Variants in CNTNAP5 observed in about 807,000 individuals in gnomAD.
CNTNAP5 encodes the protein contactin associated protein family member 5, also known as contactin-associated protein-like 5.
A neutral mutation model predicts 150.2 loss-of-function variants in CNTNAP5; 72 were observed. The ratio of observed to expected loss-of-function variants is 0.48; its 90% CI spans 0.40 to 0.58. CNTNAP5 has a LOEUF of 0.58. Ranked by LOEUF, CNTNAP5 falls within the 20% of genes least tolerant of loss-of-function variation. CNTNAP5 has a pLI of 0.00. For synonymous variants in CNTNAP5, 672 were observed against 619.8 expected (o/e 1.08, Z -1.25); for missense variants, 1,636 against 1,626.2 (o/e 1.01, Z -0.10).
intron 3 of CNTNAP5, among the ~76,000 whole-genome samples, chr2:124,362,311 T>C (rs532174072): frequency 3.9e-5 from 6 of 152,336 alleles, no homozygotes; most frequent in South Asian, 2.1e-4. Context: ...GAGCTATTCC[T>C]ATTCGACCAT....
At chr2:124,830,817 G>A (rs1682698764) in intron 19 of CNTNAP5, among the ~76,000 whole-genome samples, 1 of 151,874 alleles carries the variant, frequency 6.6e-6, no homozygotes, top group East Asian at 1.9e-4. Context: ...GAAAGAGAGA[G>A]TTATCATCTC....
intron 13 of CNTNAP5, among the ~76,000 whole-genome samples, chr2:124,742,625 G>GACACAC (rs3042996): frequency 1.3e-5 from 2 of 148,150 alleles, no homozygotes; most frequent in African/African-American, 2.5e-5. Flanking sequence ...TACACGCACA[G>GACACAC]ACACACACAC....
chr2:124,439,361 G>A (rs1031516323), intron 5 of CNTNAP5, among the ~76,000 whole-genome samples: 8 of 152,176 alleles, frequency 5.3e-5, no homozygotes, highest in Non-Finnish European at 1.0e-4. Flanking sequence ...ATTTTCAAGA[G>A]GCTGTCAGCC....
In CNTNAP5 at chr2:124,848,626, A is replaced by C. The variant is rs368946643; in HGVS notation, c.3218-16680A>C. Among the ~76,000 whole-genome samples, 53 of 152,274 alleles carry C rather than the reference A, an allele frequency of 3.5e-4. No individual in the cohort carries two copies. In the East Asian group the frequency reaches 7.0e-3, roughly 20 times the overall value. ...GTATATGTTCCCACCAACAGTGTAC[A>C]AGGGTTCGCTTTTCTCCACACCCTT... On this transcript the variant is annotated intron_variant, in intron 19 of 23. Transcript: ENST00000682447.
chr2:124,418,693 G>C (rs374114303), intron 4 of CNTNAP5, among the ~76,000 whole-genome samples: 18 of 152,290 alleles, frequency 1.2e-4, no homozygotes, highest in African/African-American at 4.1e-4. Flanking sequence ...ATTAGGCCCA[G>C]GAGGAACTGC....
rs958194196 is a variant in CNTNAP5 at position 124,916,027 on chromosome 2, C to T, written c.*1739C>T. 7.9e-5 allele frequency among the ~76,000 whole-genome samples: 12 copies of T among 152,192 alleles called. No individual in the cohort carries two copies. Among genetic ancestry groups the T allele is most frequent in the East Asian group, 5.8e-4 (3 of 5,156 alleles). On this transcript the variant is annotated 3_prime_UTR_variant, in exon 24 of 24. Transcript: ENST00000682447. ...CTTGTGCTTAGGGTACACTGTCTCT[C>T]GCCTCTCACAATGAGGAACTTAGTT...
At chr2:124,427,883 A>G (rs979973276) in intron 4 of CNTNAP5, among the ~76,000 whole-genome samples, 3 of 152,056 alleles carry the variant, frequency 2.0e-5, no homozygotes, top group Non-Finnish European at 2.9e-5. Context: ...AAACCTCATC[A>G]AGAAGAGCAG....
intron 3 of CNTNAP5, among the ~76,000 whole-genome samples, chr2:124,328,941 T>C (rs1036624024): frequency 6.6e-6 from 1 of 152,136 alleles, no homozygotes; most frequent in African/African-American, 2.4e-5. Context: ...TGCATAACCA[T>C]GGGAGCCATA....
At chr2:124,351,212 C>T (rs751994092) in intron 3 of CNTNAP5, among the ~76,000 whole-genome samples, 3 of 152,162 alleles carry the variant, frequency 2.0e-5, no homozygotes, top group Non-Finnish European at 4.4e-5. Flanking sequence ...ATATTCTTTG[C>T]ATTCTTTAAC....
intron 3 of CNTNAP5, among the ~76,000 whole-genome samples, chr2:124,414,711 A>ATGTG (rs1412574467): frequency 6.7e-6 from 1 of 149,112 alleles, no homozygotes; most frequent in Non-Finnish European, 1.5e-5. Flanking sequence ...AGATGTGTGT[A>ATGTG]TGTGTGTGTG....
intron 1 of CNTNAP5, among the ~76,000 whole-genome samples, chr2:124,090,693 A>G (rs753847082): frequency 3.3e-5 from 5 of 152,190 alleles, no homozygotes; most frequent in Non-Finnish European, 7.3e-5. Context: ...AAAAAGAAGA[A>G]GGAAGTAGGT....
chr2:124,322,905 T>G (rs1689133666), intron 3 of CNTNAP5, among the ~76,000 whole-genome samples: 1 of 152,210 alleles, frequency 6.6e-6, no homozygotes, highest in Non-Finnish European at 1.5e-5. Flanking sequence ...GCTGAGCATC[T>G]AACATGTAAC....
intron 1 of CNTNAP5, among the ~76,000 whole-genome samples, chr2:124,155,889 G>A (rs1206067753): frequency 2.6e-5 from 4 of 152,184 alleles, no homozygotes; most frequent in African/African-American, 7.2e-5. Flanking sequence ...TAATGACCAA[G>A]TCTATTGCAA....
At chr2:124,245,085 T>C (rs1233071715) in intron 3 of CNTNAP5, among the ~76,000 whole-genome samples, 1 of 152,206 alleles carries the variant, frequency 6.6e-6, no homozygotes, top group African/African-American at 2.4e-5. Flanking sequence ...TCACCTCAAA[T>C]GTCAACTTTG....
At chr2:124,764,829 T>C (rs1681033216) in intron 16 of CNTNAP5, among the ~76,000 whole-genome samples, 1 of 152,038 alleles carries the variant, frequency 6.6e-6, no homozygotes, top group South Asian at 2.1e-4. Flanking sequence ...TAAAATACAA[T>C]TTAAAAAAAT....
At chr2:124,142,158 C>A (rs1573786049) in intron 1 of CNTNAP5, among the ~76,000 whole-genome samples, 1 of 125,020 alleles carries the variant, frequency 8.0e-6, no homozygotes, top group Non-Finnish European at 1.7e-5. Context: ...GAGTGACCTA[C>A]AAAGAGACTT....
At chr2:124,455,417 C>G (rs2104814977) in intron 6 of CNTNAP5, among the ~76,000 whole-genome samples, 1 of 151,878 alleles carries the variant, frequency 6.6e-6, no homozygotes, top group South Asian at 2.1e-4. Flanking sequence ...AAAAAATTAC[C>G]AATAAAAAAA....
intron 1 of CNTNAP5, among the ~76,000 whole-genome samples, chr2:124,203,198 A>G (rs1685771681): frequency 6.6e-6 from 1 of 152,176 alleles, no homozygotes; most frequent in Admixed American, 6.5e-5. Context: ...AAAATCCAGC[A>G]GGGGAATCAA....
At chr2:124,279,956 G>A (rs577998469) in intron 3 of CNTNAP5, among the ~76,000 whole-genome samples, 189 of 151,652 alleles carry the variant, frequency 1.2e-3, no homozygotes, top group African/African-American at 4.3e-3. Context: ...CATGCCTTTC[G>A]TCCTCCTAAT....
Sources: gnomAD v4.1 joint callset for allele counts (sites outside exome capture counted in the v4.1 genomes callset) on GRCh38, gnomAD v4.1.1 for gene constraint, MANE v1.5 for transcripts, NCBI Gene and HGNC (gene_info 2026-07-23, HGNC 2026-07-21) for gene names.